Variants in CIT observed in about 807,000 individuals in gnomAD.
The protein encoded by CIT is citron Rho-interacting kinase.
A neutral mutation model predicts 272.7 loss-of-function variants in CIT; 79 were observed. That is an observed-to-expected ratio of 0.29 (90% CI 0.24 to 0.35). The LOEUF (loss-of-function observed/expected upper bound fraction) is 0.35. CIT is among the 10% of genes least tolerant of loss of function. CIT has a pLI of 1.00. For missense variants in CIT, 1,909 were observed against 2,618.3 expected, an observed-to-expected ratio of 0.73 and a Z score of 5.91; for synonymous variants, 948 against 995.6, an observed-to-expected ratio of 0.95 and a Z score of 0.90.
chr12:119,783,041 A>G (rs1424461712), intron 12 of CIT: 1 of 156,004 alleles, frequency 6.4e-6, no homozygotes, highest in Non-Finnish European at 1.4e-5. Context: ...CAAAGTAGCA[A>G]TGACTTCATA....
At chr12:119,825,959 T>G (rs1316932595) in intron 7 of CIT, among the ~76,000 whole-genome samples, 2 of 151,984 alleles carry the variant, frequency 1.3e-5, no homozygotes, top group African/African-American at 4.8e-5. Flanking sequence ...TCCCAGCTAC[T>G]CGGGAGGCTG....
intron 5 of CIT, among the ~76,000 whole-genome samples, chr12:119,842,729 T>C (rs535694139): frequency 1.3e-5 from 2 of 152,188 alleles, no homozygotes; most frequent in African/African-American, 4.8e-5. Flanking sequence ...TCAAGTTCAA[T>C]TTCCTTGCAC....
intron 24 of CIT, among the ~76,000 whole-genome samples, chr12:119,737,405 C>T (rs977971583): frequency 1.4e-5 from 2 of 143,688 alleles, no homozygotes; most frequent in Admixed American, 7.2e-5. Flanking sequence ...TACATCATTG[C>T]CAAAATAATT....
At position 119,700,919 on chromosome 12, in the gene CIT, A is replaced by G; in HGVS notation, c.5543-94T>C. 3 of 1,014,450 alleles carry G rather than the reference A, an allele frequency of 3.0e-6. 1 individual carries two copies. The South Asian group carries it at 4.0e-5, about 13-fold the overall frequency. 62.8% of individuals were successfully genotyped at this position (1,014,450 alleles called of 1,614,324 possible). A position where few individuals can be genotyped will look rare whatever the true frequency, so the allele number is the denominator to read the frequency against. ...GATGGAAGAATGAGGAGCAGAGCCC[A>G]GGGACCCCTGGCCAGATGGGACTGA... On this transcript the variant is annotated intron_variant, in intron 43 of 47. Transcript: ENST00000392521.
At chr12:119,861,587 CA>C (rs1253525877) in intron 3 of CIT, among the ~76,000 whole-genome samples, 157 of 125,364 alleles carry the variant, frequency 1.3e-3, no homozygotes, top group Non-Finnish European at 9.5e-4. Flanking sequence ...AACTCCATCT[CA>C]AAAAAAAAAA....
chr12:119,755,419 C>T (rs1960819044), intron 22 of CIT, among the ~76,000 whole-genome samples: 1 of 152,192 alleles, frequency 6.6e-6, no homozygotes, highest in Non-Finnish European at 1.5e-5. Flanking sequence ...TGAGTACTAC[C>T]CAAGGCTTAG....
intron 16 of CIT, 28 bp downstream of exon 16, chr12:119,775,758 A>T (rs1457458878): frequency 6.3e-7 from 1 of 1,590,922 alleles, no homozygotes; most frequent in Non-Finnish European, 8.6e-7. Flanking sequence ...GTGGGGGGTA[A>T]GTTCCTGAAA....
chr12:119,723,482 A>G (rs1363673688), intron 28 of CIT, among the ~76,000 whole-genome samples: 1 of 152,046 alleles, frequency 6.6e-6, no homozygotes, highest in East Asian at 1.9e-4. Context: ...CCCAGAAAGA[A>G]GCAAACAGAG....
chr12:119,767,346 T>C (rs1233773939), intron 18 of CIT, among the ~76,000 whole-genome samples, 164 bp from the exon 19 acceptor site: 1 of 152,244 alleles, frequency 6.6e-6, no homozygotes, highest in East Asian at 1.9e-4. Context: ...CACCACGCCT[T>C]GGCCCTGGGT....
At chr12:119,846,796 T>C (rs1057446102) in intron 5 of CIT, among the ~76,000 whole-genome samples, 3 of 150,832 alleles carry the variant, frequency 2.0e-5, no homozygotes, top group Non-Finnish European at 4.4e-5. Context: ...TCCCAGCTAA[T>C]CAGGAAGGTG....
intron 9 of CIT, among the ~76,000 whole-genome samples, chr12:119,810,017 G>T (rs1418974446): frequency 6.6e-6 from 1 of 152,318 alleles, no homozygotes; most frequent in Non-Finnish European, 1.5e-5. Context: ...TTTATCCTTT[G>T]CAATGTCCTT....
chr12:119,710,459 C>T lies in CIT; in HGVS notation c.4936-73G>A, dbSNP rs1957109095. On this transcript the variant is annotated intron_variant, in intron 38 of 47. Coordinates refer to ENST00000392521, the MANE Select transcript of CIT (RefSeq NM_001206999.2). This position sits in a 1 kb window ranked among gnomAD's most constrained non-coding sequence, Gnocchi z 5.6. ...CCAGAACAATCTCTAGTAAGAGCAA[C>T]AAGGCCTCCACAGCCCTTTCTTTCT... 6.2e-7 allele frequency: 1 copy of T among 1,612,508 alleles called. No individual in the cohort carries two copies. The highest frequency in any genetic ancestry group is 1.7e-5 in the Admixed American group (1 of 59,896).
intron 7 of CIT, among the ~76,000 whole-genome samples, chr12:119,829,310 C>T (rs1444484237): frequency 1.4e-5 from 2 of 144,312 alleles, no homozygotes; most frequent in Non-Finnish European, 3.0e-5. Context: ...GCACTCCAGC[C>T]TGGGTGACAG....
intron 2 of CIT, among the ~76,000 whole-genome samples, chr12:119,874,842 G>C (rs1423325628): frequency 2.7e-5 from 4 of 148,746 alleles, no homozygotes; most frequent in South Asian, 4.3e-4. Flanking sequence ...AGCCGAGATC[G>C]CGCCACTGCA....
At chr12:119,831,591 C>T (rs1204185745) in intron 7 of CIT, among the ~76,000 whole-genome samples, 2 of 152,142 alleles carry the variant, frequency 1.3e-5, no homozygotes, top group African/African-American at 2.4e-5. Context: ...AAAAAAGAGC[C>T]GGGCGCAGTG....
intron 4 of CIT, among the ~76,000 whole-genome samples, chr12:119,856,291 T>C (rs1312582574): frequency 2.0e-5 from 3 of 152,124 alleles, no homozygotes; most frequent in Non-Finnish European, 4.4e-5. Flanking sequence ...TATTGTATAA[T>C]GGATAGAGAG....
chr12:119,794,709 A>G (rs535405418), intron 10 of CIT, among the ~76,000 whole-genome samples: 1 of 152,344 alleles, frequency 6.6e-6, no homozygotes, highest in Admixed American at 6.5e-5. Flanking sequence ...GTGGAGCTGG[A>G]TTCTCTCAAT....
At chr12:119,830,536 T>A (rs1306913391) in intron 7 of CIT, among the ~76,000 whole-genome samples, 1 of 152,142 alleles carries the variant, frequency 6.6e-6, no homozygotes, top group East Asian at 1.9e-4. Flanking sequence ...AAACACATAT[T>A]CCTGTCTAAT....
intron 3 of CIT, 64 bp from the exon 4 acceptor site, chr12:119,857,762 A>G: frequency 6.9e-7 from 1 of 1,451,616 alleles, no homozygotes; most frequent in Non-Finnish European, 9.3e-7. Flanking sequence ...ATCTTTATGA[A>G]AGAAAAAAAA....
Sources: gnomAD v4.1 joint callset for allele counts (sites outside exome capture counted in the v4.1 genomes callset) on GRCh38, gnomAD v4.1.1 for gene constraint, Gnocchi (gnomAD v3.1) non-coding constraint, MANE v1.5 for transcripts, NCBI Gene and HGNC (gene_info 2026-07-23, HGNC 2026-07-21) for gene names.